The following IMPACT variants were observed in gnomAD, a reference collection of about 807,000 sequenced individuals.
The protein encoded by IMPACT is protein IMPACT.
IMPACT carries 35 observed loss-of-function variants against 47.5 expected under a neutral mutation model. The observed-to-expected ratio is 0.74, with a 90% CI of 0.56 to 0.98. The LOEUF is 0.98. Ranked by LOEUF, IMPACT falls within the 50% of genes least tolerant of loss-of-function variation. The pLI is 0.00. For missense variants in IMPACT, 373 were observed against 394.8 expected (o/e 0.94, Z 0.47); for synonymous variants, 118 against 125.6 (o/e 0.94, Z 0.40).
chr18:24,447,315 TTACCCAGTTCCACATGATACCATTGG>T lies in IMPACT; in HGVS notation c.669-775_669-750del, dbSNP rs1599767874. ...AGCTGGGAGGATGTCTTTACTACAT[TTACCCAGTTCCACATGATACCATTGG>T]TAGGGCCCTAAGAAATCCACCAGAT... On this transcript the variant is annotated intron_variant, in intron 8 of 10. Coordinates refer to ENST00000284202, the MANE Select transcript of IMPACT (RefSeq NM_018439.4). Among the ~76,000 whole-genome samples the T allele has an allele frequency of 7.2e-5, 11 of 152,282 alleles. 1 individual carries two copies. The South Asian group carries it at 1.9e-3, about 26-fold the overall frequency.
intron 6 of IMPACT, among the ~76,000 whole-genome samples, chr18:24,441,351 CCTGT>C (rs755945663): frequency 3.8e-4 from 58 of 152,172 alleles, no homozygotes; most frequent in Non-Finnish European, 5.4e-4. Context: ...TGCCACCATG[CCTGT>C]CTAATTTTTG....
intron 7 of IMPACT, among the ~76,000 whole-genome samples, chr18:24,444,639 A>G (rs1026436658): frequency 3.9e-5 from 6 of 152,176 alleles, no homozygotes; most frequent in African/African-American, 1.2e-4. Flanking sequence ...TTCATACTCT[A>G]AGTTAAGCTG....
chr18:24,443,994 C>T (rs957482419), intron 7 of IMPACT, among the ~76,000 whole-genome samples: 4 of 152,176 alleles, frequency 2.6e-5, no homozygotes, highest in Non-Finnish European at 4.4e-5. Context: ...AGCTACCCTA[C>T]TCTTGAAGCT....
intron 3 of IMPACT, among the ~76,000 whole-genome samples, chr18:24,429,782 A>T (rs934094831): frequency 1.2e-4 from 17 of 145,212 alleles, no homozygotes; most frequent in Admixed American, 1.4e-4. Context: ...CTTTTAAGAA[A>T]TTTTTTTTTT....
rs750202876 is a variant in IMPACT, at chr18:24,428,915, A to C, written c.212A>C (p.Gln71Pro). Residue 71 changes from glutamine (Q) to proline (P), a missense_variant, in exon 3 of 11, where the codon CAG (glutamine) becomes CCG (proline). By Grantham distance (76) the Gln-to-Pro change is moderately conservative. Coordinates refer to ENST00000284202, the MANE Select transcript of IMPACT (RefSeq NM_018439.4). The part of the protein sequence containing the change: ...EYPGTAPPIY[Q>P]LNAPWLKGQE... ...CCAGGTACAGCTCCACCTATCTACC[A>C]GTTGAAGTAAGCTGTATTTCTACGT... The C allele has an allele frequency of 1.9e-6, 3 of 1,605,122 alleles. No individual in the cohort carries two copies. The highest frequency in any genetic ancestry group is 2.6e-6 in the Non-Finnish European group (3 of 1,172,760).
chr18:24,426,747 C>CAGGG lies in IMPACT; in HGVS notation c.-9_-6dup. ...GCAGGCGGCGGCTGCAGGGCAGGTCCAGGGGCCACATGGCTGAGGGGGACG... is the reference window on the plus strand; with the variant it reads ...GCAGGCGGCGGCTGCAGGGCAGGTCCAGGGAGGGGCCACATGGCTGAGGGGGACG... On this transcript the variant is annotated 5_prime_UTR_variant, in exon 1 of 11. Coordinates refer to ENST00000284202, the MANE Select transcript of IMPACT (RefSeq NM_018439.4). 2.4e-6 allele frequency: 3 copies of CAGGG among 1,245,350 alleles called. No homozygotes were observed. The highest frequency in any genetic ancestry group is 3.0e-6 in the Non-Finnish European group (3 of 993,320). 77.1% of individuals were successfully genotyped at this position (1,245,350 alleles called of 1,614,324 possible).
In IMPACT at chr18:24,452,161, C is replaced by A. The variant is rs2144353467; in HGVS notation, c.*1314C>A. On this transcript the variant is annotated 3_prime_UTR_variant, in exon 11 of 11. Transcript: ENST00000284202. ...GAATTGGACAAACAGGTCTTTTTCT[C>A]TTTTCTCTGATGTTTTACCTTTAAA... 1 of 152,256 alleles carries A rather than the reference C, an allele frequency of 6.6e-6. No individual in the cohort carries two copies. The highest frequency in any genetic ancestry group is 2.1e-4 in the South Asian group (1 of 4,826). The allele number at this position is 152,256 out of a possible 1,614,324, so 9.4% of individuals were successfully genotyped here. A position where few individuals can be genotyped will look rare whatever the true frequency, so the allele number is the denominator to read the frequency against.
Position 24,430,384 on chromosome 18 carries a change from TGTAA to T in IMPACT, c.281+3_281+6del, listed in dbSNP as rs1303752316. 6.3e-7 allele frequency: 1 copy of T among 1,592,220 alleles called. No homozygotes were observed. The highest frequency in any genetic ancestry group is 1.4e-5 in the African/African-American group (1 of 74,000). The stretch of plus-strand genomic sequence containing the variant: ...TCAAATAGCCTTGAGGAAATATATA[TGTAA>T]GTGACAGGCGATTTTTTAAAATAAT... On this transcript the variant is annotated splice_donor_variant and splice_donor_region_variant and intron_variant, in intron 4 of 10. Transcript: ENST00000284202. LOFTEE classifies it high-confidence loss of function.
At chr18:24,448,308 TTAG>T in intron 9 of IMPACT, 125 bp downstream of exon 9, 1 of 527,058 alleles carries the variant, frequency 1.9e-6, no homozygotes, top group Non-Finnish European at 3.4e-6. Flanking sequence ...TTTGATTTAA[TTAG>T]TAGTTGATGT....
At chr18:24,431,922 G>A (rs1318605563) in intron 4 of IMPACT, among the ~76,000 whole-genome samples, 1 of 152,060 alleles carries the variant, frequency 6.6e-6, no homozygotes, top group Non-Finnish European at 1.5e-5. Context: ...GGCTGGTCTC[G>A]AACTCCTGAC....
chr18:24,441,935 A>C (rs1909125438), intron 6 of IMPACT, among the ~76,000 whole-genome samples: 1 of 152,222 alleles, frequency 6.6e-6, no homozygotes, highest in Admixed American at 6.5e-5. Context: ...ATTGGTCAGT[A>C]GTTCATATTG....
intron 3 of IMPACT, among the ~76,000 whole-genome samples, chr18:24,430,057 A>G (rs147259353): frequency 0.013 from 2,050 of 152,216 alleles, 25 homozygotes; most frequent in Non-Finnish European, 0.019. Context: ...GATTACAGGC[A>G]TGAGCCACCA....
intron 4 of IMPACT, among the ~76,000 whole-genome samples, chr18:24,433,712 C>T (rs187901677): frequency 6.7e-6 from 1 of 149,166 alleles, no homozygotes; most frequent in Non-Finnish European, 1.5e-5. Flanking sequence ...GCTCTGTTGC[C>T]CAGGCTGGAG....
chr18:24,443,891 G>A (rs1456073667), intron 7 of IMPACT, among the ~76,000 whole-genome samples: 3 of 152,086 alleles, frequency 2.0e-5, no homozygotes, highest in Admixed American at 6.5e-5. Context: ...ATTGATGTAC[G>A]AGGCAATTTC....
chr18:24,435,796 A>G (rs1179530123), intron 4 of IMPACT, among the ~76,000 whole-genome samples: 1 of 152,166 alleles, frequency 6.6e-6, no homozygotes, highest in Non-Finnish European at 1.5e-5. Context: ...TCTCTTTGTG[A>G]GTAGGCCATC....
intron 4 of IMPACT, among the ~76,000 whole-genome samples, chr18:24,434,868 A>ATG (rs1235191015): frequency 8.1e-6 from 1 of 122,820 alleles, no homozygotes; most frequent in Admixed American, 9.0e-5. Flanking sequence ...GTGTATATAT[A>ATG]TGTGTATATA....
intron 9 of IMPACT, 25 bp downstream of exon 9, chr18:24,448,208 C>A (rs760560261): frequency 1.3e-6 from 2 of 1,505,332 alleles, no homozygotes; most frequent in South Asian, 2.3e-5. Context: ...AACTATCAAT[C>A]CTGTTCTGTA....
intron 4 of IMPACT, among the ~76,000 whole-genome samples, chr18:24,432,214 A>T (rs952487389): frequency 2.6e-5 from 4 of 152,244 alleles, no homozygotes; most frequent in Non-Finnish European, 5.9e-5. Flanking sequence ...TTTGGAAGGT[A>T]GCAAGAGTAG....
Position 24,440,371 on chromosome 18 carries a change from A to G in IMPACT, c.368-125A>G, listed in dbSNP as rs1347611503. The G allele has an allele frequency of 5.4e-6, 5 of 918,824 alleles. No individual in the cohort carries two copies. The Admixed American group carries it at 1.6e-4, about 29-fold the overall frequency. 56.9% of individuals were successfully genotyped at this position (918,824 alleles called of 1,614,324 possible). ...AACTCAGGAATCAACCAGTTCTCCT[A>G]CGGGCTGAGTGCTGGTTCCTTTCGT... On this transcript the variant is annotated intron_variant, in intron 5 of 10. Transcript: ENST00000284202.
Sources: allele counts gnomAD v4.1 joint callset (sites outside exome capture counted in the v4.1 genomes callset), GRCh38; gene constraint gnomAD v4.1.1; transcripts MANE v1.5; gene names NCBI Gene and HGNC (gene_info 2026-07-23, HGNC 2026-07-21).